Variants in RANBP2 observed in about 807,000 individuals in gnomAD.
The protein encoded by RANBP2 is RAN binding protein 2.
Under a neutral mutation model 303.6 loss-of-function variants are expected in RANBP2, and 57 were observed. The ratio of observed to expected loss-of-function variants is 0.19; its 90% CI spans 0.15 to 0.23. The LOEUF is 0.23. RANBP2 is among the 10% of genes least tolerant of loss of function. RANBP2 has a pLI of 1.00. For missense variants in RANBP2, 3,138 were observed against 3,780.8 expected, an observed-to-expected ratio of 0.83 and a Z score of 4.46; for synonymous variants, 1,167 against 1,301.5, an observed-to-expected ratio of 0.90 and a Z score of 2.23.
At chr2:109,251,600 T>C in the RANBP2 span, 31 of 1,054,518 alleles carry the variant, frequency 2.9e-5, no homozygotes, top group Admixed American at 1.2e-4. Flanking sequence ...ATTGGAATGG[T>C]GGTAATAGGA....
chr2:109,220,162 TC>T, the RANBP2 span, among the ~76,000 whole-genome samples: 1 of 152,212 alleles, frequency 6.6e-6, no homozygotes, highest in East Asian at 1.9e-4. Flanking sequence ...GAAGCCAAGA[TC>T]AGTCAATGAG....
the RANBP2 span, among the ~76,000 whole-genome samples, chr2:109,536,430 A>T: frequency 6.6e-6 from 1 of 152,188 alleles, no homozygotes; most frequent in Non-Finnish European, 1.5e-5. Context: ...ACTTGCATGG[A>T]GGCCTGTAGC....
At chr2:109,398,533 T>C in the RANBP2 span, 2 of 1,426,168 alleles carry the variant, frequency 1.4e-6, no homozygotes, top group South Asian at 1.3e-5. Context: ...TGCAGAGGGC[T>C]GGTGTGGCAT....
chr2:108,856,671 CTTATT>C, the RANBP2 span: 1 of 857,526 alleles, frequency 1.2e-6, no homozygotes, highest in East Asian at 2.6e-5. Flanking sequence ...ACTGTGATCT[CTTATT>C]TAATTTTTGT....
the RANBP2 span, among the ~76,000 whole-genome samples, chr2:108,799,891 A>G: frequency 2.0e-5 from 3 of 152,118 alleles, no homozygotes; most frequent in East Asian, 1.9e-4. Flanking sequence ...CCATGTTGCT[A>G]TTGAGCCCAT....
At chr2:109,269,480 G>A in the RANBP2 span, among the ~76,000 whole-genome samples, 6 of 152,178 alleles carry the variant, frequency 3.9e-5, no homozygotes, top group Non-Finnish European at 5.9e-5. Flanking sequence ...ACCAGGTAGT[G>A]CTTAAAAGAT....
the RANBP2 span, among the ~76,000 whole-genome samples, chr2:109,646,657 A>ATTTTTTT: frequency 5.9e-5 from 7 of 119,016 alleles, no homozygotes; most frequent in Non-Finnish European, 6.9e-5. Flanking sequence ...ATGACTGGCT[A>ATTTTTTT]TTTTTTTTTT....
At chr2:109,006,927 T>G in the RANBP2 span, among the ~76,000 whole-genome samples, 249 of 152,326 alleles carry the variant, frequency 1.6e-3, 2 homozygotes, top group African/African-American at 5.2e-3. Flanking sequence ...TAAAATAAAT[T>G]TGATTACTTT....
the RANBP2 span, among the ~76,000 whole-genome samples, chr2:108,814,666 A>G: frequency 1.3e-5 from 2 of 149,282 alleles, no homozygotes; most frequent in South Asian, 2.1e-4. Context: ...ATTTATTAAT[A>G]TTTTTAATTT....
chr2:109,046,263 C>G, the RANBP2 span, among the ~76,000 whole-genome samples: 1 of 148,238 alleles, frequency 6.7e-6, no homozygotes, highest in Non-Finnish European at 1.5e-5. Context: ...AAGATTGTGC[C>G]ACTGCACTCC....
chr2:109,031,840 C>T, the RANBP2 span, among the ~76,000 whole-genome samples: 1 of 152,170 alleles, frequency 6.6e-6, no homozygotes, highest in Non-Finnish European at 1.5e-5. Flanking sequence ...TTTTCTTCAG[C>T]AACTAAGCTT....
chr2:109,206,224 C>T, the RANBP2 span, among the ~76,000 whole-genome samples: 3 of 152,078 alleles, frequency 2.0e-5, no homozygotes, highest in African/African-American at 7.2e-5. Flanking sequence ...GGCACGGTGG[C>T]TCACGCCTGT....
At chr2:109,513,700 A>G in the RANBP2 span, among the ~76,000 whole-genome samples, 1 of 152,194 alleles carries the variant, frequency 6.6e-6, no homozygotes, top group South Asian at 2.1e-4. Flanking sequence ...TTGCAGGAGG[A>G]GTGCCACAAG....
the RANBP2 span, among the ~76,000 whole-genome samples, chr2:109,216,654 C>T: frequency 8.5e-5 from 13 of 152,360 alleles, no homozygotes; most frequent in Middle Eastern, 3.4e-3. Context: ...TGCATGCTCA[C>T]TGGAACCTCC....
At chr2:108,964,352 G>A in the RANBP2 span, among the ~76,000 whole-genome samples, 1 of 152,170 alleles carries the variant, frequency 6.6e-6, no homozygotes, top group Non-Finnish European at 1.5e-5. Context: ...CTCAGTCTCT[G>A]CCACATGATG....
At chr2:108,756,582 G>A (rs1676330820) in intron 17 of RANBP2, among the ~76,000 whole-genome samples, 1 of 152,190 alleles carries the variant, frequency 6.6e-6, no homozygotes, top group African/African-American at 2.4e-5. Context: ...TGTTAATTCT[G>A]TGTAGTCATG....
At chr2:108,787,791 G>A (rs1679155214), downstream of RANBP2, among the ~76,000 whole-genome samples, 1 of 152,062 alleles carries the variant, frequency 6.6e-6, no homozygotes, top group East Asian at 1.9e-4. Flanking sequence ...TTCTTCGTTA[G>A]ATTGATTATG....
chr2:109,260,737 G>T, the RANBP2 span, among the ~76,000 whole-genome samples: 1 of 152,180 alleles, frequency 6.6e-6, no homozygotes, highest in African/African-American at 2.4e-5. Flanking sequence ...CTGTCCATGG[G>T]CAATCCAGGG....
chr2:108,728,204 T>A (rs527816214), intron 1 of RANBP2, among the ~76,000 whole-genome samples: 1 of 152,230 alleles, frequency 6.6e-6, no homozygotes, highest in South Asian at 2.1e-4. Context: ...AGTGAGAGAG[T>A]GGTACCACAG....
Sources: allele counts gnomAD v4.1 joint callset (sites outside exome capture counted in the v4.1 genomes callset), GRCh38; gene constraint gnomAD v4.1.1; transcripts MANE v1.5; gene names NCBI Gene and HGNC (gene_info 2026-07-23, HGNC 2026-07-21).